RBM27: variants seen among roughly 807,000 people sequenced by gnomAD.
RBM27 encodes RNA binding motif protein 27, also known as RNA-binding protein 27.
In RBM27, 22 loss-of-function variants were observed where a neutral mutation model predicts 135.3. That is an observed-to-expected ratio of 0.16 (90% CI 0.12 to 0.23). The LOEUF (loss-of-function observed/expected upper bound fraction) is 0.23, where lower values mean the gene tolerates loss of function less well. RBM27 is among the 10% of genes least tolerant of loss of function. RBM27 has a pLI of 1.00. For missense variants in RBM27, 1,009 were observed against 1,281.0 expected, an observed-to-expected ratio of 0.79 and a Z score of 3.24; for synonymous variants, 481 against 442.4, an observed-to-expected ratio of 1.09 and a Z score of -1.10.
Position 146,251,803 on chromosome 5 carries a change from C to T in RBM27, c.1372C>T (p.Pro458Ser). The stretch of plus-strand genomic sequence containing the variant: ...TCCTCTGTTGGCAGCTCGTTTGGTG[C>T]CACCTCGAAACCTCATGGGATCCTC... The part of the protein sequence containing the change: ...PPPLLAARLV[P>S]PRNLMGSSIG... Residue 458 changes from proline to serine, a missense_variant, in exon 9 of 21, where the codon CCA becomes TCA. Pro to Ser is a moderately conservative substitution (Grantham distance 74, BLOSUM62 -1). Around this residue, in one of 6 missense-constraint regions of RBM27, gnomAD observed 329 missense variants for 368.1 expected, o/e 0.89. Coordinates refer to ENST00000265271, the MANE Select transcript of RBM27 (RefSeq NM_018989.2). 6.2e-7 allele frequency: 1 copy of T among 1,614,058 alleles called. No individual in the cohort carries two copies. The highest frequency in any genetic ancestry group is 8.5e-7 in the Non-Finnish European group (1 of 1,179,944).
chr5:146,261,539 C>T lies in RBM27; in HGVS notation c.1923C>T (p.Ala641=). 1 of 1,614,002 alleles carries T rather than the reference C, an allele frequency of 6.2e-7. No individual in the cohort carries two copies. The highest frequency in any genetic ancestry group is 1.1e-5 in the South Asian group (1 of 91,068). The change falls in exon 13 of 21, where the codon GCC becomes GCT. Residue 641 remains alanine, a synonymous_variant. Coordinates refer to ENST00000265271, the MANE Select transcript of RBM27 (RefSeq NM_018989.2). Reference sequence around the variant, plus strand: ...CTTTTAAGGGTGACCCAGAAGCAGCCCTAATCCAATATCTTACCAATGAGG... The same window carrying T: ...CTTTTAAGGGTGACCCAGAAGCAGCTCTAATCCAATATCTTACCAATGAGG... ...QVAFKGDPEA[A]LIQYLTNEEA...
At position 146,219,064 on chromosome 5, in the gene RBM27, G is replaced by T; in HGVS notation, c.139G>T (p.Ala47Ser). The change falls in exon 2 of 21, where the codon GCC becomes TCC. Residue 47 changes from alanine (A) to serine (S), a missense_variant. By Grantham distance (99) the Ala-to-Ser change is moderately conservative. This residue lies in a region of RBM27 where 268 missense variants were observed against 326.6 expected (regional missense o/e 0.82). Transcript: ENST00000265271. ...GGACAAACCTGAGAAAGAATTAAAA[G>T]CCTTTTGTGCTGATCAACTTGATGT... ...KKDKPEKELK[A>S]FCADQLDVFL... 6.2e-7 allele frequency: 1 copy of T among 1,613,118 alleles called. No homozygotes were observed. Among genetic ancestry groups the T allele is most frequent in the Non-Finnish European group, 8.5e-7 (1 of 1,179,530 alleles).
intron 19 of RBM27, among the ~76,000 whole-genome samples, chr5:146,282,792 A>C (rs1468644939): frequency 6.6e-6 from 1 of 152,172 alleles, no homozygotes; most frequent in Non-Finnish European, 1.5e-5. Flanking sequence ...CATCAGTTTT[A>C]GATTCTTACC....
chr5:146,236,976 T>C (rs923811314), intron 7 of RBM27, among the ~76,000 whole-genome samples: 3 of 149,908 alleles, frequency 2.0e-5, no homozygotes, highest in Non-Finnish European at 4.4e-5. Flanking sequence ...TTTGCTTTTG[T>C]TGCCCAGGCT....
In RBM27 at chr5:146,227,961, T is replaced by A. The variant is rs560652604; in HGVS notation, c.304-985T>A. On this transcript the variant is annotated intron_variant, in intron 3 of 20. Coordinates refer to ENST00000265271, the MANE Select transcript of RBM27 (RefSeq NM_018989.2). ...GAATAAATCTGAAGAGCTACTCAAA[T>A]GAATTATGTATGTATATATATTTCA... 1.1e-4 allele frequency among the ~76,000 whole-genome samples: 16 copies of A among 152,344 alleles called. 1 individual carries two copies. The South Asian group carries it at 3.3e-3, about 32-fold the overall frequency.
At chr5:146,216,670 T>C (rs757595824) in intron 1 of RBM27, among the ~76,000 whole-genome samples, 10 of 152,204 alleles carry the variant, frequency 6.6e-5, no homozygotes, top group Non-Finnish European at 1.3e-4. Flanking sequence ...TTATTTTTTA[T>C]TTTTTGAGAC....
rs539749978 is a variant in RBM27, at chr5:146,271,087, C to A, written c.2796+29C>A. 2.7e-5 allele frequency: 42 copies of A among 1,536,226 alleles called. No homozygotes were observed. In the East Asian group the frequency reaches 9.3e-4, roughly 34 times the overall value. Reference sequence around the variant, plus strand: ...AGATTTAAAAGGAGTTAGCGCCCCACCACATTTAACGTCTCAAAAAAGTTT... The same window carrying A: ...AGATTTAAAAGGAGTTAGCGCCCCAACACATTTAACGTCTCAAAAAAGTTT... On this transcript the variant is annotated intron_variant, in intron 18 of 20. Transcript: ENST00000265271.
chr5:146,240,142 A>T (rs1169471021), intron 8 of RBM27, among the ~76,000 whole-genome samples: 1 of 151,772 alleles, frequency 6.6e-6, no homozygotes, highest in African/African-American at 2.4e-5. Flanking sequence ...CTCAACATGC[A>T]TCTTCTCTGG....
At position 146,261,526 on chromosome 5, in the gene RBM27, A is replaced by G; in HGVS notation, c.1910A>G (p.Asp637Gly). 6.2e-7 allele frequency: 1 copy of G among 1,613,880 alleles called. No individual in the cohort carries two copies. Among genetic ancestry groups the G allele is most frequent in the Non-Finnish European group, 8.5e-7 (1 of 1,179,790 alleles). ...IVNIQVAFKG[D>G]PEAALIQYLT... Reference sequence around the variant, plus strand: ...TTCTTCAAGGTTGCTTTTAAGGGTGACCCAGAAGCAGCCCTAATCCAATAT... The same window carrying G: ...TTCTTCAAGGTTGCTTTTAAGGGTGGCCCAGAAGCAGCCCTAATCCAATAT... Residue 637 changes from aspartate (D) to glycine (G), a missense_variant, in exon 13 of 21, where the codon GAC (aspartate) becomes GGC (glycine). Physicochemically the swap from Asp to Gly is moderately conservative, Grantham distance 94. Transcript: ENST00000265271.
chr5:146,224,076 C>T lies in RBM27; in HGVS notation c.303+549C>T, dbSNP rs898300451. Among the ~76,000 whole-genome samples, 13 of 152,178 alleles carry T rather than the reference C, an allele frequency of 8.5e-5. 1 individual carries two copies. The East Asian group carries it at 1.2e-3, about 14-fold the overall frequency. On this transcript the variant is annotated intron_variant, in intron 3 of 20. Coordinates refer to ENST00000265271, the MANE Select transcript of RBM27 (RefSeq NM_018989.2). The stretch of plus-strand genomic sequence containing the variant: ...AATTTTACAGAGTTCTTTGTACTTC[C>T]TGTTATATACAGACAATATAGTATA...
intron 3 of RBM27, among the ~76,000 whole-genome samples, chr5:146,228,696 G>T (rs1470421561): frequency 6.6e-6 from 1 of 152,048 alleles, no homozygotes; most frequent in Non-Finnish European, 1.5e-5. Context: ...AAACTTCTGG[G>T]TTCAAGCAGT....
intron 11 of RBM27, 78 bp downstream of exon 11, chr5:146,258,671 C>T (rs1244233104): frequency 7.9e-7 from 1 of 1,268,782 alleles, no homozygotes; most frequent in African/African-American, 1.5e-5. Flanking sequence ...TAAGATTTGT[C>T]ATTAATTAAT....
chr5:146,231,375 G>A (rs960665926), intron 6 of RBM27, among the ~76,000 whole-genome samples: 33 of 152,266 alleles, frequency 2.2e-4, no homozygotes, highest in African/African-American at 6.7e-4. Context: ...AGTGTGCTGG[G>A]ATTATAGGTG....
At chr5:146,280,877 A>G (rs918990484) in intron 19 of RBM27, among the ~76,000 whole-genome samples, 3 of 143,668 alleles carry the variant, frequency 2.1e-5, no homozygotes, top group Admixed American at 7.3e-5. Flanking sequence ...TTTATTTTTG[A>G]GACAGAGTCT....
intron 14 of RBM27, among the ~76,000 whole-genome samples, chr5:146,264,654 T>TAAAAAA (rs35210934): frequency 1.0e-5 from 1 of 97,902 alleles, no homozygotes; most frequent in Non-Finnish European, 2.1e-5. Context: ...CAAAGAGAGC[T>TAAAAAA]AAAAAAAAAA....
chr5:146,255,206 T>A, intron 10 of RBM27, 114 bp downstream of exon 10: 1 of 879,460 alleles, frequency 1.1e-6, no homozygotes, highest in Non-Finnish European at 1.7e-6. Flanking sequence ...ATTACTTATA[T>A]ATTATCTCTT....
chr5:146,206,991 TGG>T lies in RBM27; in HGVS notation c.59+3169_59+3170del, dbSNP rs1307811496. Among the ~76,000 whole-genome samples the T allele has an allele frequency of 2.7e-4, 41 of 152,336 alleles. No homozygotes were observed. The South Asian group carries it at 6.4e-3, about 24-fold the overall frequency. On this transcript the variant is annotated intron_variant, in intron 1 of 20. Transcript: ENST00000265271. ...TATTTTTATTCTTAGTATGTCATCA[TGG>T]GAGATTATTTTTTGTTTGTTTAGAT...
intron 1 of RBM27, among the ~76,000 whole-genome samples, chr5:146,216,293 C>T (rs559519182): frequency 4.6e-5 from 7 of 152,222 alleles, no homozygotes; most frequent in African/African-American, 1.7e-4. Flanking sequence ...ACACTTTGGC[C>T]TCCCACAGGT....
At chr5:146,207,993 G>C (rs1351793845) in intron 1 of RBM27, among the ~76,000 whole-genome samples, 2 of 113,822 alleles carry the variant, frequency 1.8e-5, no homozygotes, top group African/African-American at 3.5e-5. Flanking sequence ...GTCTTGCTCT[G>C]TTGCCCAGGC....
Sources: allele counts gnomAD v4.1 joint callset (sites outside exome capture counted in the v4.1 genomes callset), GRCh38; gene constraint gnomAD v4.1.1; regional missense constraint gnomAD v4.1.1; transcripts MANE v1.5; gene names NCBI Gene and HGNC (gene_info 2026-07-23, HGNC 2026-07-21).